ZNF229: variants seen among roughly 807,000 people sequenced by gnomAD.
The protein encoded by ZNF229 is zinc finger protein 229.
ZNF229 carries 10 observed loss-of-function variants against 11.8 expected under a neutral mutation model. The ratio of observed to expected loss-of-function variants is 0.85; its 90% CI spans 0.52 to 1.44. ZNF229 has a LOEUF of 1.44. Ranked by LOEUF, ZNF229 falls within the 40% of genes most tolerant of loss-of-function variation. The pLI is 0.00. For synonymous variants in ZNF229, 368 were observed against 374.8 expected (o/e 0.98, Z 0.21); for missense variants, 1,045 against 1,015.1 (o/e 1.03, Z -0.40).
chr19:44,431,133 G>A (rs1971715949), intron 5 of ZNF229, among the ~76,000 whole-genome samples: 1 of 152,016 alleles, frequency 6.6e-6, no homozygotes, highest in South Asian at 2.1e-4. Context: ...ACTTCAGGAG[G>A]GTGCCAAATT....
At chr19:44,446,350 T>A (rs1972003132) in intron 2 of ZNF229, among the ~76,000 whole-genome samples, 3 of 152,220 alleles carry the variant, frequency 2.0e-5, no homozygotes, top group Admixed American at 2.0e-4. Flanking sequence ...AGCTCTAGTT[T>A]CTCAAAACTG....
rs45610138 is a variant in ZNF229 at position 44,443,030 on chromosome 19, G to A, written c.-177-6C>T. 21,447 of 659,112 alleles carry A rather than the reference G, an allele frequency of 0.033. 421 individuals are homozygous for A. Among genetic ancestry groups the A allele is most frequent in the Non-Finnish European group, 0.043 (16,406 of 385,386 alleles). 40.8% of individuals were successfully genotyped at this position (659,112 alleles called of 1,614,324 possible). ...GCTTCCCATGGTCAGGGGACCTGTA[G>A]GTTCGGGAGGGAACTTTACTTAGTC... On this transcript the variant is annotated splice_polypyrimidine_tract_variant and splice_region_variant and intron_variant, in intron 2 of 5. Coordinates refer to ENST00000614049, the MANE Select transcript of ZNF229 (RefSeq NM_014518.4).
intron 5 of ZNF229, 126 bp from the exon 6 acceptor site, chr19:44,430,668 A>C: frequency 1.2e-6 from 1 of 829,292 alleles, no homozygotes; most frequent in South Asian, 2.3e-5. Flanking sequence ...TAACTATTAG[A>C]GCACTTATGT....
Position 44,429,032 on chromosome 19 carries a change from C to A in ZNF229, c.1749G>T (p.Arg583=). The A allele has an allele frequency of 6.2e-7, 1 of 1,611,716 alleles. No individual in the cohort carries two copies. The highest frequency in any genetic ancestry group is 8.5e-7 in the Non-Finnish European group (1 of 1,179,224). ...KCSECGKGFR[R]NSDLHSHQRV... is the part of the protein sequence containing the mutation. ...TCTGGTGGCTGTGAAGGTCTGAATT[C>A]CGCCGGAAGCCCTTCCCACACTCAC... The change falls in exon 6 of 6, where the codon CGG becomes CGT. Residue 583 remains arginine (R), a synonymous_variant. Coordinates refer to ENST00000614049, the MANE Select transcript of ZNF229 (RefSeq NM_014518.4).
At chr19:44,432,948 A>C (rs1971751523) in intron 4 of ZNF229, among the ~76,000 whole-genome samples, 1 of 152,080 alleles carries the variant, frequency 6.6e-6, no homozygotes, top group Non-Finnish European at 1.5e-5. Flanking sequence ...CGGTGTGTCA[A>C]CTCCAGTTTA....
At chr19:44,430,890 GTACACATATTAACTGAC>G (rs1289249287) in intron 5 of ZNF229, among the ~76,000 whole-genome samples, 7 of 152,144 alleles carry the variant, frequency 4.6e-5, no homozygotes, top group African/African-American at 1.7e-4. Flanking sequence ...TGCCAATGAT[GTACACATATTAACTGAC>G]TTAAACCTCA....
At position 44,429,578 on chromosome 19, in the gene ZNF229, T is replaced by A. The variant is rs1277117209; in HGVS notation, c.1203A>T (p.Gly401=). The change falls in exon 6 of 6, where the codon GGA becomes GGT. Residue 401 remains glycine, a synonymous_variant. Coordinates refer to ENST00000614049, the MANE Select transcript of ZNF229 (RefSeq NM_014518.4). Reference sequence around the variant, plus strand: ...ACTCGCTGCATTTATATGGTTTCTCTCCAGTGTGGACCCTCTGATGGACAA... The same window carrying A: ...ACTCGCTGCATTTATATGGTTTCTCACCAGTGTGGACCCTCTGATGGACAA... ...NLLVHQRVHT[G]EKPYKCSECG... 2 of 1,613,920 alleles carry A rather than the reference T, an allele frequency of 1.2e-6. No individual in the cohort carries two copies. The highest frequency in any genetic ancestry group is 2.7e-5 in the African/African-American group (2 of 74,824).
chr19:44,443,983 T>C (rs1971961581), intron 2 of ZNF229, among the ~76,000 whole-genome samples: 1 of 152,162 alleles, frequency 6.6e-6, no homozygotes, highest in Admixed American at 6.6e-5. Context: ...ACACATGGTA[T>C]AAATTGCTGG....
chr19:44,442,784 C>CG, intron 3 of ZNF229, 30 bp downstream of exon 3: 1 of 1,518,698 alleles, frequency 6.6e-7, no homozygotes, highest in Non-Finnish European at 9.1e-7. Flanking sequence ...TTGGATTCTC[C>CG]CCCCACCCAC....
chr19:44,442,067 C>T (rs958543512), intron 4 of ZNF229, among the ~76,000 whole-genome samples: 1 of 152,212 alleles, frequency 6.6e-6, no homozygotes, highest in Admixed American at 6.5e-5. Context: ...GCATAACCCT[C>T]TTCTGAAAAT....
At position 44,443,705 on chromosome 19, in the gene ZNF229, T is replaced by C. The variant is rs111713447; in HGVS notation, c.-177-681A>G. Reference sequence around the variant, plus strand: ...GAGCATAAACAATACTCTGAAATATTTGCACAAACCAGAATATGACATAAA... The same window carrying C: ...GAGCATAAACAATACTCTGAAATATCTGCACAAACCAGAATATGACATAAA... On this transcript the variant is annotated intron_variant, in intron 2 of 5. Transcript: ENST00000614049. Among the ~76,000 whole-genome samples the C allele has an allele frequency of 3.2e-3, 494 of 152,304 alleles. 4 individuals are homozygous for C. The highest frequency in any genetic ancestry group is 0.011 in the African/African-American group (445 of 41,558).
At chr19:44,437,426 C>T (rs1456417265) in intron 4 of ZNF229, among the ~76,000 whole-genome samples, 1 of 152,164 alleles carries the variant, frequency 6.6e-6, no homozygotes, top group Non-Finnish European at 1.5e-5. Context: ...GATACCACCT[C>T]ACCCCAGTCA....
chr19:44,447,398 G>A (rs1310382759), intron 2 of ZNF229, 115 bp downstream of exon 2: 1 of 152,102 alleles, frequency 6.6e-6, no homozygotes, highest in Non-Finnish European at 1.5e-5. Flanking sequence ...CCATTTCTAG[G>A]GGAAGGCAGG....
intron 1 of ZNF229, among the ~76,000 whole-genome samples, 188 bp downstream of exon 1, chr19:44,448,121 A>G (rs1260860818): frequency 6.6e-6 from 1 of 152,224 alleles, no homozygotes; most frequent in Non-Finnish European, 1.5e-5. Context: ...GGCTACCCTG[A>G]GAAAATTCAT....
At chr19:44,431,651 A>AAC (rs748475369) in intron 5 of ZNF229, 4 of 503,042 alleles carry the variant, frequency 8.0e-6, no homozygotes, top group Non-Finnish European at 1.0e-5. Context: ...CAATGCTGCC[A>AAC]ACAGTACCCA....
intron 4 of ZNF229, among the ~76,000 whole-genome samples, chr19:44,440,653 G>A (rs1446446009): frequency 6.6e-6 from 1 of 151,828 alleles, no homozygotes; most frequent in Non-Finnish European, 1.5e-5. Context: ...GACACAACCT[G>A]TACTGAGTCC....
rs760018941 is a variant in ZNF229, at chr19:44,429,325, C to T, written c.1456G>A (p.Glu486Lys). Residue 486 changes from glutamate to lysine, a missense_variant, in exon 6 of 6, where the codon GAG becomes AAG. Glu to Lys is a moderately conservative substitution (Grantham distance 56). Transcript: ENST00000614049. ...LSSHQKTHTG[E>K]RPYQCDKCGK... ...CACTTGTCACACTGGTAGGGCCTCT[C>T]GCCGGTGTGTGTCTTCTGATGACTG... The T allele has an allele frequency of 5.6e-6, 9 of 1,614,092 alleles. No homozygotes were observed. Among genetic ancestry groups the T allele is most frequent in the African/African-American group, 1.3e-5 (1 of 74,994 alleles).
intron 4 of ZNF229, among the ~76,000 whole-genome samples, chr19:44,436,756 G>T (rs1183117905): frequency 2.0e-5 from 3 of 152,128 alleles, no homozygotes; most frequent in Non-Finnish European, 4.4e-5. Context: ...GTGACACAGC[G>T]AGACTGTGTC....
intron 3 of ZNF229, 32 bp downstream of exon 3, chr19:44,442,782 T>TGCCCCCCCCC: frequency 1.9e-6 from 3 of 1,545,174 alleles, no homozygotes; most frequent in Non-Finnish European, 2.7e-6. Context: ...GTTTGGATTC[T>TGCCCCCCCCC]CCCCCCACCC....
Sources: allele counts gnomAD v4.1 joint callset (sites outside exome capture counted in the v4.1 genomes callset), GRCh38; gene constraint gnomAD v4.1.1; transcripts MANE v1.5; gene names NCBI Gene and HGNC (gene_info 2026-07-23, HGNC 2026-07-21).